The following FAF1 variants were observed in gnomAD, a reference collection of about 807,000 sequenced individuals.
The protein encoded by FAF1 is Fas associated factor 1.
Under a neutral mutation model 92.5 loss-of-function variants are expected in FAF1, and 25 were observed. The ratio of observed to expected loss-of-function variants is 0.27; its 90% CI spans 0.20 to 0.38. The LOEUF is 0.38. Among genes scored for constraint, FAF1 ranks in the 10% least tolerant of loss-of-function variants. The pLI is 1.00. For missense variants in FAF1, 636 were observed against 793.3 expected (o/e 0.80, Z 2.38); for synonymous variants, 234 against 273.2 (o/e 0.86, Z 1.42).
chr1:50,577,956 T>A (rs1241747488), intron 12 of FAF1, among the ~76,000 whole-genome samples: 1 of 152,248 alleles, frequency 6.6e-6, no homozygotes, highest in African/African-American at 2.4e-5. Flanking sequence ...CCAAGTGCTC[T>A]CAAATGAAAT....
chr1:50,462,869 G>A (rs932379530), intron 18 of FAF1, among the ~76,000 whole-genome samples: 1 of 152,152 alleles, frequency 6.6e-6, no homozygotes, highest in African/African-American at 2.4e-5. Context: ...TACATATCTA[G>A]CAGTAAACTC....
At chr1:50,870,208 G>A (rs975289743) in intron 1 of FAF1, among the ~76,000 whole-genome samples, 10 of 152,194 alleles carry the variant, frequency 6.6e-5, no homozygotes, top group Non-Finnish European at 1.5e-4. Flanking sequence ...TATAATCCTA[G>A]CACTTTGGGA....
chr1:50,719,934 C>A (rs1057277632), intron 6 of FAF1, among the ~76,000 whole-genome samples: 2 of 152,000 alleles, frequency 1.3e-5, no homozygotes, highest in African/African-American at 2.4e-5. Flanking sequence ...TAATTGAGGA[C>A]AAGTTTCTTC....
chr1:50,463,265 A>G (rs1646454958), intron 18 of FAF1, among the ~76,000 whole-genome samples: 1 of 152,164 alleles, frequency 6.6e-6, no homozygotes, highest in South Asian at 2.1e-4. Flanking sequence ...CACGTCCTGT[A>G]TGATTCCATC....
intron 6 of FAF1, among the ~76,000 whole-genome samples, chr1:50,726,017 G>A (rs1394087978): frequency 3.9e-5 from 6 of 152,092 alleles, no homozygotes; most frequent in Non-Finnish European, 8.8e-5. Flanking sequence ...CACTTTGGGA[G>A]GCCAAGGAAG....
At chr1:50,629,939 T>C (rs903848035) in intron 8 of FAF1, among the ~76,000 whole-genome samples, 1 of 151,816 alleles carries the variant, frequency 6.6e-6, no homozygotes, top group African/African-American at 2.4e-5. Flanking sequence ...ATGCCTGTAA[T>C]CCCAGCTACT....
intron 7 of FAF1, among the ~76,000 whole-genome samples, chr1:50,661,454 T>C (rs1655372161): frequency 1.3e-5 from 2 of 152,218 alleles, no homozygotes; most frequent in Non-Finnish European, 2.9e-5. Context: ...TTCTAGATTT[T>C]CTGAATTAAG....
intron 18 of FAF1, chr1:50,452,018 A>T (rs571602429): frequency 6.3e-6 from 8 of 1,267,574 alleles, no homozygotes; most frequent in Non-Finnish European, 8.1e-6. Flanking sequence ...TTAAATGACA[A>T]TATAAGTGGG....
chr1:50,837,995 G>A (rs540532181), intron 2 of FAF1, among the ~76,000 whole-genome samples: 2 of 152,060 alleles, frequency 1.3e-5, no homozygotes, highest in East Asian at 3.9e-4. Flanking sequence ...GGCCCGCCTC[G>A]GCCTCCCAAA....
At chr1:50,485,724 C>T (rs1230075995) in intron 17 of FAF1, among the ~76,000 whole-genome samples, 6 of 128,442 alleles carry the variant, frequency 4.7e-5, no homozygotes, top group African/African-American at 1.8e-4. Flanking sequence ...CAACCTGAGA[C>T]TGGGTAATTT....
intron 8 of FAF1, among the ~76,000 whole-genome samples, chr1:50,629,726 C>T (rs183189207): frequency 6.6e-6 from 1 of 152,236 alleles, no homozygotes; most frequent in Admixed American, 6.5e-5. Flanking sequence ...GGGATAATAA[C>T]ATCTACCCTT....
chr1:50,940,059 TACC>T (rs775306907), intron 1 of FAF1, among the ~76,000 whole-genome samples: 154 of 152,206 alleles, frequency 1.0e-3, no homozygotes, highest in Non-Finnish European at 1.3e-3. Flanking sequence ...TACAGGCACG[TACC>T]ACCACATCTG....
At chr1:50,799,261 T>G (rs78091876) in intron 3 of FAF1, among the ~76,000 whole-genome samples, 3 of 152,200 alleles carry the variant, frequency 2.0e-5, no homozygotes, top group African/African-American at 7.2e-5. Context: ...GGCAAGTCTA[T>G]GTAAACTCTC....
chr1:50,536,739 C>G (rs1007776837), intron 14 of FAF1, among the ~76,000 whole-genome samples: 1 of 151,966 alleles, frequency 6.6e-6, no homozygotes, highest in Non-Finnish European at 1.5e-5. Context: ...AATCTAGTAC[C>G]TGGAAATTGG....
chr1:50,949,677 A>G (rs969725188), intron 1 of FAF1, among the ~76,000 whole-genome samples: 3 of 152,216 alleles, frequency 2.0e-5, no homozygotes, highest in Non-Finnish European at 2.9e-5. Context: ...GTAAGACTTT[A>G]TTTACAAAAA....
intron 2 of FAF1, among the ~76,000 whole-genome samples, chr1:50,828,404 G>A (rs538806114): frequency 2.0e-5 from 3 of 152,162 alleles, no homozygotes; most frequent in South Asian, 4.2e-4. Flanking sequence ...AAGCAGTTGG[G>A]ACTACAGGCG....
At chr1:50,895,744 A>C (rs1282330799) in intron 1 of FAF1, among the ~76,000 whole-genome samples, 1 of 152,218 alleles carries the variant, frequency 6.6e-6, no homozygotes, top group Non-Finnish European at 1.5e-5. Flanking sequence ...AATATACACA[A>C]ATCAATCTAT....
At chr1:50,489,508 A>G (rs958830098) in intron 17 of FAF1, among the ~76,000 whole-genome samples, 9 of 152,322 alleles carry the variant, frequency 5.9e-5, no homozygotes, top group African/African-American at 2.2e-4. Flanking sequence ...TGCCTACTGC[A>G]CCTTAGGCAT....
intron 1 of FAF1, among the ~76,000 whole-genome samples, chr1:50,888,233 T>C (rs906640623): frequency 1.1e-4 from 17 of 152,354 alleles, no homozygotes; most frequent in African/African-American, 3.6e-4. Flanking sequence ...TTTTGTATCC[T>C]GAGACTTTGC....
Sources: allele counts gnomAD v4.1 joint callset (sites outside exome capture counted in the v4.1 genomes callset), GRCh38; gene constraint gnomAD v4.1.1; transcripts MANE v1.5; gene names NCBI Gene and HGNC (gene_info 2026-07-23, HGNC 2026-07-21).